GPM6A: variants seen among roughly 807,000 people sequenced by gnomAD.
GPM6A encodes the protein neuronal membrane glycoprotein M6-a.
In GPM6A, 7 loss-of-function variants were observed where a neutral mutation model predicts 32.1. That is an observed-to-expected ratio of 0.22 (90% CI 0.12 to 0.41). The LOEUF (loss-of-function observed/expected upper bound fraction) is 0.41, where lower values mean the gene tolerates loss of function less well. Among genes scored for constraint, GPM6A ranks in the 10% least tolerant of loss-of-function variants. GPM6A has a pLI of 1.00. For missense variants in GPM6A, 235 were observed against 347.2 expected (o/e 0.68, Z 2.57); for synonymous variants, 130 against 123.4 (o/e 1.05, Z -0.35).
intron 1 of GPM6A, among the ~76,000 whole-genome samples, chr4:175,913,314 T>C (rs958052203): frequency 5.9e-5 from 9 of 152,218 alleles, no homozygotes; most frequent in Non-Finnish European, 1.2e-4. Flanking sequence ...TATATATTCA[T>C]GTGTTTTAAT....
intron 3 of GPM6A, among the ~76,000 whole-genome samples, chr4:175,663,539 C>T (rs1190686820): frequency 1.3e-5 from 2 of 152,028 alleles, no homozygotes; most frequent in Non-Finnish European, 2.9e-5. Context: ...GTTCTCAATA[C>T]AAAAAACCAT....
intron 1 of GPM6A, among the ~76,000 whole-genome samples, chr4:175,839,868 G>T (rs1270470543): frequency 6.6e-6 from 1 of 152,106 alleles, no homozygotes; most frequent in East Asian, 1.9e-4. Context: ...GGAGATCCTA[G>T]CTAATAATAT....
At chr4:175,899,154 T>A (rs952212874) in intron 1 of GPM6A, among the ~76,000 whole-genome samples, 8 of 152,202 alleles carry the variant, frequency 5.3e-5, no homozygotes, top group African/African-American at 1.9e-4. Flanking sequence ...TTGCACAGAA[T>A]TCATGTTTCT....
At chr4:175,768,216 G>A (rs541012588) in intron 1 of GPM6A, among the ~76,000 whole-genome samples, 5 of 152,266 alleles carry the variant, frequency 3.3e-5, no homozygotes, top group African/African-American at 1.2e-4. Context: ...GCTTTCACCT[G>A]ATTAAGATAG....
intron 4 of GPM6A, among the ~76,000 whole-genome samples, chr4:175,646,728 C>T (rs73018160): frequency 0.045 from 6,786 of 152,228 alleles, 506 homozygotes; most frequent in African/African-American, 0.15. Context: ...TTACATTTGT[C>T]TCATCTGAGT....
chr4:175,765,497 C>T (rs150665039), intron 1 of GPM6A, among the ~76,000 whole-genome samples: 107 of 152,230 alleles, frequency 7.0e-4, no homozygotes, highest in African/African-American at 2.4e-3. Flanking sequence ...GGATATCCAT[C>T]GCCTCAAACA....
intron 3 of GPM6A, among the ~76,000 whole-genome samples, chr4:175,659,231 C>T (rs1191641722): frequency 6.6e-6 from 1 of 151,734 alleles, no homozygotes; most frequent in African/African-American, 2.4e-5. Context: ...TACAGGTGCA[C>T]GCCGCAGCAC....
intron 1 of GPM6A, among the ~76,000 whole-genome samples, chr4:175,900,322 GGAAAGGAAAGGAAA>G (rs1737921088): frequency 2.5e-5 from 1 of 39,396 alleles, no homozygotes; most frequent in Admixed American, 3.8e-4. Context: ...GGAAAGGAAA[GGAAAGGAAAGGAAA>G]GGAAAGGAAA....
At chr4:175,723,547 G>A (rs1339820526) in intron 1 of GPM6A, among the ~76,000 whole-genome samples, 2 of 152,040 alleles carry the variant, frequency 1.3e-5, no homozygotes, top group Non-Finnish European at 2.9e-5. Flanking sequence ...TATTTCTGGG[G>A]GAGTTTGGCT....
chr4:175,644,127 T>G (rs1194513158), intron 4 of GPM6A, among the ~76,000 whole-genome samples: 7 of 148,348 alleles, frequency 4.7e-5, no homozygotes, highest in African/African-American at 1.7e-4. Context: ...GTTTGTTTTT[T>G]TTTTTTTTTT....
chr4:175,892,108 AC>A (rs1737667118), intron 1 of GPM6A, among the ~76,000 whole-genome samples: 1 of 152,206 alleles, frequency 6.6e-6, no homozygotes, highest in South Asian at 2.1e-4. Flanking sequence ...CCTTTTGGTA[AC>A]TAAAGCGAAC....
chr4:175,946,134 A>G (rs954017857), intron 1 of GPM6A, among the ~76,000 whole-genome samples: 14 of 152,180 alleles, frequency 9.2e-5, no homozygotes, highest in African/African-American at 2.9e-4. Flanking sequence ...TCTATAAAAA[A>G]TCTATAAATT....
intron 1 of GPM6A, among the ~76,000 whole-genome samples, chr4:175,736,382 CAT>C (rs1449914216): frequency 2.0e-5 from 3 of 152,190 alleles, no homozygotes; most frequent in African/African-American, 7.2e-5. Flanking sequence ...AATAAACTAA[CAT>C]AGAGTCTTCA....
intron 1 of GPM6A, among the ~76,000 whole-genome samples, chr4:175,831,558 A>G (rs1735610475): frequency 6.6e-6 from 1 of 152,024 alleles, no homozygotes; most frequent in African/African-American, 2.4e-5. Flanking sequence ...GTTTTGCAAA[A>G]CAAATCCGTG....
intron 1 of GPM6A, chr4:175,787,305 A>G: frequency 7.7e-7 from 1 of 1,293,862 alleles, no homozygotes; most frequent in Non-Finnish European, 1.1e-6. Context: ...TTCACTGATA[A>G]TACTCCCACC....
At chr4:175,839,695 T>A (rs1735878623) in intron 1 of GPM6A, among the ~76,000 whole-genome samples, 1 of 152,174 alleles carries the variant, frequency 6.6e-6, no homozygotes, top group African/African-American at 2.4e-5. Context: ...ACTGTGGGAA[T>A]AGACTAGTCT....
At chr4:175,807,955 C>A (rs1161289669) in intron 1 of GPM6A, among the ~76,000 whole-genome samples, 1 of 152,156 alleles carries the variant, frequency 6.6e-6, no homozygotes, top group Non-Finnish European at 1.5e-5. Flanking sequence ...AACATTAGTA[C>A]CACTTAAGGT....
chr4:175,637,579 T>G (rs867963921), intron 6 of GPM6A, among the ~76,000 whole-genome samples: 124 of 19,382 alleles, frequency 6.4e-3, no homozygotes, highest in Middle Eastern at 0.045. Context: ...ATATATTATA[T>G]AAAATATATT....
chr4:175,637,648 TA>T (rs1740825585), intron 6 of GPM6A, among the ~76,000 whole-genome samples: 1 of 496 alleles, frequency 2.0e-3, no homozygotes, highest in South Asian at 0.17. Context: ...ATATATTATA[TA>T]AAATATAAAA....
Sources: gnomAD v4.1 joint callset for allele counts (sites outside exome capture counted in the v4.1 genomes callset) on GRCh38, gnomAD v4.1.1 for gene constraint, MANE v1.5 for transcripts, NCBI Gene and HGNC (gene_info 2026-07-23, HGNC 2026-07-21) for gene names.